KANSL3: variants seen among roughly 807,000 people sequenced by gnomAD.
The protein encoded by KANSL3 is NSL complex protein NSL3.
KANSL3 carries 16 observed loss-of-function variants against 89.2 expected under a neutral mutation model. The ratio of observed to expected loss-of-function variants is 0.18; its 90% CI spans 0.12 to 0.27. KANSL3 has a LOEUF of 0.27. KANSL3 is among the 10% of genes least tolerant of loss of function. The pLI, the probability that KANSL3 is intolerant of heterozygous loss-of-function variation, is 1.00. For synonymous variants in KANSL3, 385 were observed against 419.7 expected (o/e 0.92, Z 1.01); for missense variants, 879 against 1,110.6 (o/e 0.79, Z 2.96).
At chr2:96,636,877 C>A (rs187520470) in intron 2 of KANSL3, 44 bp downstream of exon 2, 7 of 1,415,392 alleles carry the variant, frequency 4.9e-6, no homozygotes, top group Non-Finnish European at 6.6e-6. Flanking sequence ...CATCTGATCA[C>A]TGCCCAGTGA....
At chr2:96,614,388 C>G (rs1211736233) in intron 5 of KANSL3, among the ~76,000 whole-genome samples, 2 of 152,146 alleles carry the variant, frequency 1.3e-5, no homozygotes, top group Non-Finnish European at 2.9e-5. Context: ...GCCACTGCAC[C>G]CAGCTTTCAA....
chr2:96,605,956 C>CATCA (rs2067918382), intron 14 of KANSL3: 1 of 154,392 alleles, frequency 6.5e-6, no homozygotes, highest in Non-Finnish European at 1.4e-5. Context: ...CAGTTGGAGA[C>CATCA]ATCAAACATT....
At chr2:96,604,911 C>CT in intron 15 of KANSL3, 48 bp from the exon 16 acceptor site, 1 of 1,483,746 alleles carries the variant, frequency 6.7e-7, no homozygotes. Flanking sequence ...TATTTGGCCT[C>CT]TATGTTTCCA....
At chr2:96,601,888 C>T in intron 19 of KANSL3, 112 bp from the exon 20 acceptor site, 1 of 1,433,246 alleles carries the variant, frequency 7.0e-7, no homozygotes, top group Non-Finnish European at 9.2e-7. Flanking sequence ...TTGGCCTCCT[C>T]CCCAGCTGGG....
chr2:96,607,692 CGGTTCTGATCATTT>C (rs2068217806), intron 14 of KANSL3, among the ~76,000 whole-genome samples: 1 of 152,214 alleles, frequency 6.6e-6, no homozygotes, highest in African/African-American at 2.4e-5. Flanking sequence ...GTCTGGGTTT[CGGTTCTGATCATTT>C]GGCTCCACTA....
At chr2:96,596,442 T>C (rs1188689104) in intron 20 of KANSL3, among the ~76,000 whole-genome samples, 1 of 152,204 alleles carries the variant, frequency 6.6e-6, no homozygotes, top group Non-Finnish European at 1.5e-5. Context: ...TAGGCCCAGC[T>C]ACTCGGGAGG....
intron 16 of KANSL3, 134 bp downstream of exon 16, chr2:96,604,645 T>C: frequency 1.2e-6 from 1 of 855,204 alleles, no homozygotes; most frequent in African/African-American, 1.7e-5. Flanking sequence ...AAGACAAAGA[T>C]CCCAATCAGA....
chr2:96,620,880 T>C (rs1573529323), intron 3 of KANSL3, among the ~76,000 whole-genome samples: 1 of 152,218 alleles, frequency 6.6e-6, no homozygotes, highest in East Asian at 1.9e-4. Flanking sequence ...TGCGTGCCTG[T>C]AGCCCCAGCT....
At chr2:96,632,166 A>C (rs1248175082) in intron 2 of KANSL3, among the ~76,000 whole-genome samples, 19 of 152,198 alleles carry the variant, frequency 1.2e-4, no homozygotes, top group Admixed American at 1.2e-3. Flanking sequence ...GTCTCAAAAA[A>C]TAAATAAATA....
intron 20 of KANSL3, among the ~76,000 whole-genome samples, chr2:96,597,589 C>G (rs777884202): frequency 3.9e-5 from 6 of 152,014 alleles, no homozygotes; most frequent in Non-Finnish European, 8.8e-5. Context: ...ATTACATATC[C>G]ACTTTATTTT....
At chr2:96,625,634 A>C (rs2072152664) in intron 3 of KANSL3, among the ~76,000 whole-genome samples, 1 of 152,248 alleles carries the variant, frequency 6.6e-6, no homozygotes, top group South Asian at 2.1e-4. Context: ...TTTAGAAATT[A>C]TTACCATACA....
Position 96,595,535 on chromosome 2 carries a change from G to T in KANSL3, c.*76C>A. The T allele has an allele frequency of 6.5e-7, 1 of 1,531,146 alleles. No individual in the cohort carries two copies. Among genetic ancestry groups the T allele is most frequent in the South Asian group, 1.1e-5 (1 of 87,536 alleles). 94.8% of individuals were successfully genotyped at this position (1,531,146 alleles called of 1,614,324 possible). A position where few individuals can be genotyped will look rare whatever the true frequency, so the allele number is the denominator to read the frequency against. On this transcript the variant is annotated 3_prime_UTR_variant, in exon 21 of 21. Transcript: ENST00000431828. ...TTCCGACACGTGGACAGCTCAGCAG[G>T]ACCACACACCTGTCCAGGGCCCACC...
intron 5 of KANSL3, among the ~76,000 whole-genome samples, chr2:96,617,531 T>C (rs1197905066): frequency 6.6e-6 from 1 of 150,874 alleles, no homozygotes; most frequent in Non-Finnish European, 1.5e-5. Flanking sequence ...TGAGCCAGCT[T>C]CCTGTGAAGC....
At chr2:96,605,101 T>C (rs1253467461) in intron 15 of KANSL3, among the ~76,000 whole-genome samples, 1 of 152,240 alleles carries the variant, frequency 6.6e-6, no homozygotes, top group East Asian at 1.9e-4. Context: ...ATAGGATGCT[T>C]TGAACGATGG....
At chr2:96,596,013 G>C (rs1473116143) in intron 20 of KANSL3, among the ~76,000 whole-genome samples, 2 of 152,206 alleles carry the variant, frequency 1.3e-5, no homozygotes, top group African/African-American at 4.8e-5. Context: ...TATTACACAT[G>C]AAGACAGAAA....
At chr2:96,609,652 A>C in intron 11 of KANSL3, 90 bp from the exon 12 acceptor site, 1 of 1,269,766 alleles carries the variant, frequency 7.9e-7, no homozygotes, top group East Asian at 2.3e-5. Context: ...TGGGTTGTTT[A>C]TTTTCTAGCC....
chr2:96,636,838 C>G, intron 2 of KANSL3, 83 bp downstream of exon 2: 1 of 1,175,932 alleles, frequency 8.5e-7, no homozygotes, highest in South Asian at 1.6e-5. Context: ...CTCCCCCAGT[C>G]AATCCTGAGA....
chr2:96,605,331 C>G lies in KANSL3; in HGVS notation c.1922G>C (p.Ser641Thr), dbSNP rs746638259. 20 of 1,609,862 alleles carry G rather than the reference C, an allele frequency of 1.2e-5. No individual in the cohort carries two copies. Among genetic ancestry groups the G allele is most frequent in the African/African-American group, 6.7e-5 (5 of 74,846 alleles). The change falls in exon 15 of 21, where the codon AGT (serine) becomes ACT (threonine). Residue 641 changes from serine (S) to threonine (T), a missense_variant. Ser to Thr is a moderately conservative substitution (Grantham distance 58, BLOSUM62 1). Around this residue, in one of 6 missense-constraint regions of KANSL3, gnomAD observed 317 missense variants for 311.2 expected, o/e 1.02. Coordinates refer to ENST00000431828, the MANE Select transcript of KANSL3 (RefSeq NM_001115016.3). ...AGGPCAPSQG[S>T]APEAAGGKPI... ...CAAGAGAAACTCACCTTCTGGAGCA[C>G]TTCCTTGGGAAGGAGCACAAGGCCC...
At chr2:96,616,182 C>T (rs755673170) in intron 5 of KANSL3, among the ~76,000 whole-genome samples, 4 of 152,172 alleles carry the variant, frequency 2.6e-5, no homozygotes, top group Non-Finnish European at 4.4e-5. Flanking sequence ...AGGACCAAAC[C>T]GCAAAGGATA....
Sources: allele counts gnomAD v4.1 joint callset (sites outside exome capture counted in the v4.1 genomes callset), GRCh38; gene constraint gnomAD v4.1.1; regional missense constraint gnomAD v4.1.1; transcripts MANE v1.5; gene names NCBI Gene and HGNC (gene_info 2026-07-23, HGNC 2026-07-21).